The following DCC variants were observed in gnomAD, a reference collection of about 807,000 sequenced individuals.
DCC encodes DCC netrin 1 receptor, also known as netrin receptor DCC.
Under a neutral mutation model 172.5 loss-of-function variants are expected in DCC, and 58 were observed. That is an observed-to-expected ratio of 0.34 (90% CI 0.27 to 0.42). The LOEUF is 0.42. Ranked by LOEUF, DCC falls within the 10% of genes least tolerant of loss-of-function variation. The pLI is 1.00. For missense variants in DCC, 1,740 were observed against 1,791.0 expected (o/e 0.97, Z 0.51); for synonymous variants, 709 against 644.5 (o/e 1.10, Z -1.52).
At chr18:52,955,400 AAAT>A (rs1339232183) in intron 5 of DCC, among the ~76,000 whole-genome samples, 2 of 151,420 alleles carry the variant, frequency 1.3e-5, no homozygotes, top group Non-Finnish European at 3.0e-5. Flanking sequence ...TTTTGGCACC[AAAT>A]AATATTCCAC....
At chr18:52,476,843 C>T (rs936563960) in intron 1 of DCC, among the ~76,000 whole-genome samples, 1 of 152,134 alleles carries the variant, frequency 6.6e-6, no homozygotes, top group Non-Finnish European at 1.5e-5. Flanking sequence ...TTTTGTCGAG[C>T]ATCACTTATG....
intron 19 of DCC, among the ~76,000 whole-genome samples, chr18:53,409,492 T>C (rs953028700): frequency 1.3e-5 from 2 of 152,198 alleles, no homozygotes; most frequent in Non-Finnish European, 2.9e-5. Flanking sequence ...CAGCACGACA[T>C]TTGTTTATCA....
Position 53,138,683 on chromosome 18 carries a change from G to T in DCC, c.1262-18673G>T, listed in dbSNP as rs528590752. Among the ~76,000 whole-genome samples the T allele has an allele frequency of 2.0e-5, 3 of 152,258 alleles. No individual in the cohort carries two copies. In the South Asian group the frequency reaches 6.2e-4, roughly 32 times the overall value. On this transcript the variant is annotated intron_variant, in intron 7 of 28. Transcript: ENST00000442544. Reference sequence around the variant, plus strand: ...CTCATGGCTCTCTGCCTTGTAGACTGAAGAGAATTTACAATTTTGTCGTTG... The same window carrying T: ...CTCATGGCTCTCTGCCTTGTAGACTTAAGAGAATTTACAATTTTGTCGTTG...
chr18:52,587,338 G>A (rs1405097525), intron 1 of DCC, among the ~76,000 whole-genome samples: 1 of 152,130 alleles, frequency 6.6e-6, no homozygotes, highest in East Asian at 1.9e-4. Flanking sequence ...CCCATTGGGC[G>A]ATGACAAGGG....
chr18:52,969,314 A>G (rs1306025778), intron 5 of DCC, among the ~76,000 whole-genome samples: 1 of 145,684 alleles, frequency 6.9e-6, no homozygotes, highest in African/African-American at 2.4e-5. Context: ...ATGAACAAAC[A>G]ATCTTTGTCT....
At chr18:53,351,387 T>A (rs2057802257) in intron 15 of DCC, among the ~76,000 whole-genome samples, 1 of 18,420 alleles carries the variant, frequency 5.4e-5, no homozygotes, top group African/African-American at 1.6e-4. Context: ...ATATACAGTA[T>A]ATATATATAC....
chr18:53,019,076 G>C (rs2041845637), intron 5 of DCC, among the ~76,000 whole-genome samples: 1 of 152,098 alleles, frequency 6.6e-6, no homozygotes. Context: ...GGTTAAAATT[G>C]GCCGCTGACT....
intron 1 of DCC, among the ~76,000 whole-genome samples, chr18:52,415,179 C>A (rs1348515690): frequency 6.6e-6 from 1 of 152,158 alleles, no homozygotes; most frequent in Non-Finnish European, 1.5e-5. Context: ...CTGTTACAAG[C>A]CATCTGGACC....
chr18:52,603,307 C>T (rs2034056010), intron 1 of DCC, among the ~76,000 whole-genome samples: 1 of 151,978 alleles, frequency 6.6e-6, no homozygotes, highest in Non-Finnish European at 1.5e-5. Flanking sequence ...GACCTTGGCC[C>T]ATTCTATTAT....
At chr18:52,362,447 A>G (rs1233902190) in intron 1 of DCC, among the ~76,000 whole-genome samples, 1 of 152,232 alleles carries the variant, frequency 6.6e-6, no homozygotes, top group African/African-American at 2.4e-5. Flanking sequence ...TAGAAACAAA[A>G]AGATCGGGGA....
chr18:53,522,152 C>A (rs1355279364), intron 27 of DCC, among the ~76,000 whole-genome samples: 1 of 152,018 alleles, frequency 6.6e-6, no homozygotes, highest in African/African-American at 2.4e-5. Flanking sequence ...TAAATAATAA[C>A]CTAAAATATC....
chr18:53,337,419 TG>T (rs1472034549), intron 14 of DCC, among the ~76,000 whole-genome samples: 1 of 152,256 alleles, frequency 6.6e-6, no homozygotes, highest in Non-Finnish European at 1.5e-5. Flanking sequence ...GGTGAGACTG[TG>T]GCAGTAGGGT....
chr18:52,494,725 C>A (rs2030674208), intron 1 of DCC, among the ~76,000 whole-genome samples: 1 of 151,974 alleles, frequency 6.6e-6, no homozygotes, highest in South Asian at 2.1e-4. Context: ...TCTGTTTGCT[C>A]CAGCTTGCTT....
At chr18:52,573,437 A>T (rs930085734) in intron 1 of DCC, among the ~76,000 whole-genome samples, 11 of 152,202 alleles carry the variant, frequency 7.2e-5, no homozygotes, top group African/African-American at 2.7e-4. Context: ...ATTTAACAAT[A>T]AGTAGCATTT....
intron 9 of DCC, among the ~76,000 whole-genome samples, chr18:53,179,699 C>G (rs2055166057): frequency 6.6e-6 from 1 of 151,914 alleles, no homozygotes; most frequent in Admixed American, 6.6e-5. Flanking sequence ...TGTTCTTTGA[C>G]CAATGTATAA....
intron 1 of DCC, among the ~76,000 whole-genome samples, chr18:52,728,459 A>C (rs571501553): frequency 6.6e-6 from 1 of 152,266 alleles, no homozygotes; most frequent in East Asian, 1.9e-4. Flanking sequence ...TTCTCCCAAG[A>C]TTGTTATACA....
At chr18:53,263,560 GTTA>G (rs1316399493) in intron 12 of DCC, among the ~76,000 whole-genome samples, 2 of 152,096 alleles carry the variant, frequency 1.3e-5, no homozygotes, top group Admixed American at 6.6e-5. Context: ...AACAGAAGTA[GTTA>G]TTATAATGGA....
chr18:52,550,450 G>T (rs1053643249), intron 1 of DCC, among the ~76,000 whole-genome samples: 4 of 152,002 alleles, frequency 2.6e-5, no homozygotes, highest in African/African-American at 9.7e-5. Context: ...TTTGATGAAC[G>T]GTTTCTCACT....
chr18:53,089,552 A>G (rs1225922573), intron 7 of DCC, among the ~76,000 whole-genome samples: 2 of 151,588 alleles, frequency 1.3e-5, no homozygotes, highest in Admixed American at 1.3e-4. Flanking sequence ...GTAATCCAGG[A>G]TGGACTTATT....
Sources: allele counts gnomAD v4.1 joint callset (sites outside exome capture counted in the v4.1 genomes callset), GRCh38; gene constraint gnomAD v4.1.1; transcripts MANE v1.5; gene names NCBI Gene and HGNC (gene_info 2026-07-23, HGNC 2026-07-21).